TACC2: variants seen among roughly 807,000 people sequenced by gnomAD.
TACC2 encodes transforming acidic coiled-coil-containing protein 2.
TACC2 carries 137 observed loss-of-function variants against 227.3 expected under a neutral mutation model. The observed-to-expected ratio is 0.60, with a 90% CI of 0.52 to 0.69. The LOEUF (loss-of-function observed/expected upper bound fraction) is 0.69, where lower values mean the gene tolerates loss of function less well. Among genes scored for constraint, TACC2 ranks in the 30% least tolerant of loss-of-function variants. The probability of loss-of-function intolerance (pLI) is 0.00; values close to 1 mark genes in which losing one functional copy is unlikely to be tolerated. For synonymous variants in TACC2, 1,523 were observed against 1,487.5 expected (o/e 1.02, Z -0.55); for missense variants, 3,470 against 3,694.4 (o/e 0.94, Z 1.57).
intron 5 of TACC2, among the ~76,000 whole-genome samples, chr10:122,104,911 T>C (rs2082576061): frequency 1.3e-5 from 2 of 152,246 alleles, no homozygotes; most frequent in African/African-American, 2.4e-5. Context: ...CCCTGTCATG[T>C]GGTAGCCATC....
intron 15 of TACC2, 72 bp downstream of exon 15, chr10:122,229,558 A>G: frequency 6.4e-7 from 1 of 1,559,524 alleles, no homozygotes; most frequent in Non-Finnish European, 8.8e-7. Flanking sequence ...CGAGGCCCAA[A>G]TGAAATAAGG....
At chr10:122,102,001 C>T (rs2082220448) in intron 5 of TACC2, among the ~76,000 whole-genome samples, 1 of 152,056 alleles carries the variant, frequency 6.6e-6, no homozygotes, top group South Asian at 2.1e-4. Context: ...CTGTGAAATG[C>T]ATTGTTGGGC....
At chr10:122,016,334 C>T (rs371621830) in intron 1 of TACC2, among the ~76,000 whole-genome samples, 6 of 149,930 alleles carry the variant, frequency 4.0e-5, no homozygotes, top group East Asian at 2.0e-4. Context: ...TTTTGAAGGC[C>T]GAGGCAGGTG....
At chr10:122,014,227 A>ATTTTTTTT (rs397731091) in intron 1 of TACC2, among the ~76,000 whole-genome samples, 1 of 145,146 alleles carries the variant, frequency 6.9e-6, no homozygotes, top group Non-Finnish European at 1.5e-5. Flanking sequence ...GACCTGTGTA[A>ATTTTTTTT]TTTTTTTTTT....
intron 2 of TACC2, among the ~76,000 whole-genome samples, chr10:122,041,441 C>CTTTTTTTTTTTTTTTTTTTTTTTTTT (rs537169387): frequency 7.1e-6 from 1 of 140,190 alleles, no homozygotes; most frequent in Non-Finnish European, 1.5e-5. Context: ...AGTTTCCTTT[C>CTTTTTTTTTTTTTTTTTTTTTTTTTT]TTTTTTTTTT....
chr10:122,152,665 A>G (rs1364511807), intron 7 of TACC2, among the ~76,000 whole-genome samples: 4 of 152,188 alleles, frequency 2.6e-5, no homozygotes, highest in Non-Finnish European at 4.4e-5. Flanking sequence ...ACGTGGTACC[A>G]GCAGTGCCTC....
At chr10:122,082,053 C>A (rs572305844) in intron 3 of TACC2, among the ~76,000 whole-genome samples, 4 of 149,942 alleles carry the variant, frequency 2.7e-5, no homozygotes, top group Non-Finnish European at 3.0e-5. Context: ...CGGTGGCTCA[C>A]GCCTATAATT....
chr10:122,216,493 C>G (rs888787409), intron 10 of TACC2, 134 bp from the exon 11 acceptor site: 1 of 761,660 alleles, frequency 1.3e-6, no homozygotes, highest in Non-Finnish European at 2.1e-6. Context: ...CCATTTGGAG[C>G]AGAGTCTGAG....
At chr10:122,162,219 A>T (rs2092860140) in intron 7 of TACC2, among the ~76,000 whole-genome samples, 1 of 152,230 alleles carries the variant, frequency 6.6e-6, no homozygotes. Flanking sequence ...ACTGATACTG[A>T]ATAAGAGCAG....
chr10:122,138,912 T>C (rs180754637), intron 6 of TACC2, among the ~76,000 whole-genome samples: 10 of 152,324 alleles, frequency 6.6e-5, no homozygotes, highest in Middle Eastern at 3.4e-3. Flanking sequence ...TAATCTTGGA[T>C]ATCCAAGATC....
Position 122,248,770 on chromosome 10 carries a change from G to A in TACC2, c.8520G>A (p.Glu2840=). Residue 2840 remains glutamate (E), a synonymous_variant, in exon 20 of 23, where the codon GAG becomes GAA. Coordinates refer to ENST00000369005, the MANE Select transcript of TACC2 (RefSeq NM_206862.4). ...TGGCCGACCTCTTCAGAAGATATGAGAAGATGAAGGAGGTCCTAGAAGGCT... is the reference window on the plus strand; with the variant it reads ...TGGCCGACCTCTTCAGAAGATATGAAAAGATGAAGGAGGTCCTAGAAGGCT... ...KSLADLFRRY[E]KMKEVLEGFR... 1 of 1,614,214 alleles carries A rather than the reference G, an allele frequency of 6.2e-7. No homozygotes were observed. The highest frequency in any genetic ancestry group is 8.5e-7 in the Non-Finnish European group (1 of 1,180,048).
chr10:122,076,871 T>TG (rs1423428939), intron 3 of TACC2, among the ~76,000 whole-genome samples: 1 of 152,056 alleles, frequency 6.6e-6, no homozygotes, highest in African/African-American at 2.4e-5. Flanking sequence ...TCCGAGCACT[T>TG]TAGGAGGCTA....
chr10:122,008,486 C>T (rs562956846), intron 1 of TACC2, among the ~76,000 whole-genome samples: 1 of 152,054 alleles, frequency 6.6e-6, no homozygotes, highest in African/African-American at 2.4e-5. Context: ...TCTCGAACTC[C>T]CGACCTCAGG....
At position 122,084,644 on chromosome 10, in the gene TACC2, C is replaced by T; in HGVS notation, c.2144C>T (p.Thr715Ile). 2 of 1,613,784 alleles carry T rather than the reference C, an allele frequency of 1.2e-6. No homozygotes were observed. The highest frequency in any genetic ancestry group is 1.7e-6 in the Non-Finnish European group (2 of 1,180,044). Residue 715 changes from threonine (T) to isoleucine (I), a missense_variant, in exon 4 of 23, where the codon ACT (threonine) becomes ATT (isoleucine). This residue lies in a region of TACC2 where 1,924 missense variants were observed against 1,978.3 expected (regional missense o/e 0.97). Transcript: ENST00000369005. ...EGLGRMESFL[T>I]LESEKSDFPP... is the part of the protein sequence containing the mutation. The stretch of plus-strand genomic sequence containing the variant: ...TTGGGAAGAATGGAGTCTTTCCTGA[C>T]TTTAGAATCAGAGAAATCAGATTTT...
chr10:122,216,428 T>G (rs940530903), intron 10 of TACC2, among the ~76,000 whole-genome samples, 199 bp from the exon 11 acceptor site: 1 of 151,182 alleles, frequency 6.6e-6, no homozygotes, highest in Non-Finnish European at 1.5e-5. Flanking sequence ...CAAACCATCA[T>G]AAAAGGAGAT....
At chr10:122,126,041 T>C (rs974544413) in intron 5 of TACC2, among the ~76,000 whole-genome samples, 1 of 152,078 alleles carries the variant, frequency 6.6e-6, no homozygotes, top group African/African-American at 2.4e-5. Context: ...CCTCCCAAAG[T>C]ACTGGGATTA....
chr10:122,156,367 G>T (rs1367734299), intron 7 of TACC2, among the ~76,000 whole-genome samples: 1 of 150,812 alleles, frequency 6.6e-6, no homozygotes, highest in Non-Finnish European at 1.5e-5. Flanking sequence ...GGGACAACAG[G>T]CACTCGCCAC....
intron 1 of TACC2, among the ~76,000 whole-genome samples, chr10:121,997,520 A>G (rs1329415853): frequency 1.3e-5 from 2 of 152,136 alleles, no homozygotes; most frequent in East Asian, 3.9e-4. Context: ...AGGGTCTAAG[A>G]GGTGGGTTGA....
chr10:122,047,578 G>A (rs182638725), intron 2 of TACC2, among the ~76,000 whole-genome samples: 19 of 152,310 alleles, frequency 1.2e-4, no homozygotes, highest in African/African-American at 4.3e-4. Flanking sequence ...CTGCCCCGTG[G>A]AAGGGATCAA....
Sources: allele counts gnomAD v4.1 joint callset (sites outside exome capture counted in the v4.1 genomes callset), GRCh38; gene constraint gnomAD v4.1.1; regional missense constraint gnomAD v4.1.1; transcripts MANE v1.5; gene names NCBI Gene and HGNC (gene_info 2026-07-23, HGNC 2026-07-21).